SNORC: variants seen among roughly 807,000 people sequenced by gnomAD.
SNORC encodes the protein secondary ossification center associated regulator of chondrocyte maturation, also known as protein SNORC.
In SNORC, 11 loss-of-function variants were observed where a neutral mutation model predicts 9.7. That is an observed-to-expected ratio of 1.14 (90% CI 0.72 to 1.88). The LOEUF is 1.88. SNORC is among the 40% of genes most tolerant of loss of function. The pLI, the probability that SNORC is intolerant of heterozygous loss-of-function variation, is 0.00. For missense variants in SNORC, 197 were observed against 173.1 expected (o/e 1.14, Z -0.77); for synonymous variants, 108 against 88.7 (o/e 1.22, Z -1.22).
At chr2:232,877,298 G>A (rs1281323705), downstream of SNORC, 2 of 985,318 alleles carry the variant, frequency 2.0e-6, no homozygotes, top group East Asian at 1.1e-4. Flanking sequence ...TCAGAGAGTC[G>A]GGGCGGAGTG....
rs534172721 is a variant in SNORC, at chr2:232,875,441, A to AC, written c.74-497dup. The AC allele has an allele frequency of 1.4e-4, 55 of 379,810 alleles. 1 individual carries two copies. The highest frequency in any genetic ancestry group is 1.1e-3 in the South Asian group (53 of 50,216). 23.5% of individuals were successfully genotyped at this position (379,810 alleles called of 1,614,324 possible). A position where few individuals can be genotyped will look rare whatever the true frequency, so the allele number is the denominator to read the frequency against. ...GGCTGGAGAGGCCAAGAGCCGACCT[A>AC]CCATCCCCATGTTGAGCTTTCCAGC... On this transcript the variant is annotated intron_variant, in intron 1 of 2. Transcript: ENST00000331342.
upstream of SNORC, among the ~76,000 whole-genome samples, chr2:232,868,531 A>G (rs1250938808): frequency 6.6e-6 from 1 of 152,126 alleles, no homozygotes; most frequent in Non-Finnish European, 1.5e-5. Context: ...GGCCTACAAA[A>G]AACAGCCACA....
downstream of SNORC, chr2:232,876,710 G>C: frequency 1.0e-6 from 1 of 989,024 alleles, no homozygotes; most frequent in African/African-American, 1.7e-5. The surrounding 1 kb of genome is among the most constrained non-coding windows in gnomAD (Gnocchi z 6.8). Context: ...CGTGCCCGGT[G>C]CGCGTGCGCC....
At chr2:232,873,710 C>T (rs1691113959) in intron 1 of SNORC, among the ~76,000 whole-genome samples, 1 of 152,234 alleles carries the variant, frequency 6.6e-6, no homozygotes, top group African/African-American at 2.4e-5. Flanking sequence ...TTTTACCTGC[C>T]CAGCCCCCAG....
upstream of SNORC, chr2:232,869,089 A>G (rs893419409): frequency 6.6e-6 from 1 of 152,184 alleles, no homozygotes; most frequent in African/African-American, 2.4e-5. Context: ...GGAGGCAAGG[A>G]GAAGTTGTTA....
downstream of SNORC, chr2:232,877,230 G>A: frequency 1.0e-6 from 1 of 985,520 alleles, no homozygotes; most frequent in Non-Finnish European, 1.2e-6. Context: ...CACGCCCACG[G>A]TTGGTTTGTT....
intron 1 of SNORC, chr2:232,875,495 G>T (rs777578049): frequency 9.9e-5 from 43 of 433,658 alleles, no homozygotes; most frequent in South Asian, 6.7e-4. Context: ...CTGGTTGCCG[G>T]GGATGGATGG....
At position 232,872,523 on chromosome 2, in the gene SNORC, G is replaced by T. The variant is rs1372783088; in HGVS notation, c.73+2109G>T. On this transcript the variant is annotated intron_variant, in intron 1 of 2. Coordinates refer to ENST00000331342, the Ensembl canonical transcript of SNORC. ...GTGCCACCAGCCCCTGCTTCCCTGG[G>T]TCAGAGCGCGTAGCCACACCACATG... Among the ~76,000 whole-genome samples the T allele has an allele frequency of 2.6e-5, 4 of 152,202 alleles. No individual in the cohort carries two copies. In the South Asian group the frequency reaches 6.2e-4, roughly 24 times the overall value.
rs111250815 is a variant in SNORC, at chr2:232,876,122, G to C, written c.256G>C (p.Gly86Arg). Residue 86 changes from glycine (G) to arginine (R), a missense_variant and splice_region_variant, in exon 2 of 3, where the codon GGG becomes CGG. Gly to Arg is a moderately radical substitution (Grantham distance 125). Transcript: ENST00000331342. This position sits in a 1 kb window ranked among gnomAD's most constrained non-coding sequence, Gnocchi z 6.8. ...GCAGGAGCGGCTGGACCAGGGCGGC[G>C]GTACGGGCGGGGCGGGGGAGGGAGG... 2.7e-6 allele frequency: 4 copies of C among 1,493,590 alleles called. No homozygotes were observed. The highest frequency in any genetic ancestry group is 2.4e-4 in the Middle Eastern group (1 of 4,248). The allele number at this position is 1,493,590 out of a possible 1,614,324, so 92.5% of individuals were successfully genotyped here. A position where few individuals can be genotyped will look rare whatever the true frequency, so the allele number is the denominator to read the frequency against.
downstream of SNORC, chr2:232,877,404 A>C (rs554165740): frequency 1.1e-5 from 11 of 974,470 alleles, no homozygotes; most frequent in African/African-American, 8.8e-5. Context: ...CACAGCAGGA[A>C]GTGGGAACTT....
At chr2:232,872,110 G>T (rs1290878055) in intron 1 of SNORC, among the ~76,000 whole-genome samples, 1 of 147,488 alleles carries the variant, frequency 6.8e-6, no homozygotes, top group Admixed American at 6.7e-5. Context: ...TCTGGCTGTT[G>T]TTCTTGCGAG....
intron 1 of SNORC, 63 bp from the exon 2 acceptor site, chr2:232,875,877 G>T (rs1691209801): frequency 2.0e-6 from 3 of 1,475,692 alleles, no homozygotes; most frequent in Non-Finnish European, 9.0e-7. Flanking sequence ...ACCTAGAGGT[G>T]GGGGGTGACG....
At chr2:232,868,613 G>A (rs1559178966), upstream of SNORC, among the ~76,000 whole-genome samples, 1 of 152,102 alleles carries the variant, frequency 6.6e-6, no homozygotes, top group Non-Finnish European at 1.5e-5. Flanking sequence ...GTGTACTATG[G>A]GACCTACTGA....
upstream of SNORC, among the ~76,000 whole-genome samples, chr2:232,868,652 C>G (rs1690921998): frequency 6.6e-6 from 1 of 152,110 alleles, no homozygotes; most frequent in African/African-American, 2.4e-5. Flanking sequence ...AAAGATAAAT[C>G]CACCCCAACA....
chr2:232,871,604 C>T (rs1691027046), intron 1 of SNORC, among the ~76,000 whole-genome samples: 1 of 152,128 alleles, frequency 6.6e-6, no homozygotes, highest in Non-Finnish European at 1.5e-5. Context: ...CTACTTCCTC[C>T]CGCAAGCTGG....
At chr2:232,870,486 C>A in intron 1 of SNORC, 72 bp downstream of exon 1, 1 of 1,397,208 alleles carries the variant, frequency 7.2e-7, no homozygotes, top group Non-Finnish European at 9.9e-7. Flanking sequence ...GGGCCAGATT[C>A]TTCAACGTTC....
At chr2:232,876,536 C>T, downstream of SNORC, 1 of 1,200,082 alleles carries the variant, frequency 8.3e-7, no homozygotes, top group Non-Finnish European at 1.0e-6. The surrounding 1 kb of genome is among the most constrained non-coding windows in gnomAD (Gnocchi z 6.8). Context: ...GCGCGCGGGT[C>T]CGGAGGCGCG....
intron 1 of SNORC, among the ~76,000 whole-genome samples, chr2:232,873,241 G>C (rs1301639953): frequency 6.6e-6 from 1 of 152,224 alleles, no homozygotes; most frequent in Non-Finnish European, 1.5e-5. Flanking sequence ...AGCAAGGATA[G>C]GCCCCAGCCC....
chr2:232,871,008 C>A, intron 1 of SNORC, among the ~76,000 whole-genome samples: 1 of 152,178 alleles, frequency 6.6e-6, no homozygotes, highest in Non-Finnish European at 1.5e-5. Flanking sequence ...TGGCAGGCTC[C>A]CAAGGGCCCT....
Sources: allele counts gnomAD v4.1 joint callset (sites outside exome capture counted in the v4.1 genomes callset), GRCh38; gene constraint gnomAD v4.1.1; non-coding constraint Gnocchi (gnomAD v3.1); transcripts MANE v1.5; gene names NCBI Gene and HGNC (gene_info 2026-07-23, HGNC 2026-07-21).